Variants in WDR7 observed in about 807,000 individuals in gnomAD.
WDR7 encodes the protein WD repeat domain 7, also known as WD repeat-containing protein 7.
WDR7 carries 46 observed loss-of-function variants against 169.4 expected under a neutral mutation model. The ratio of observed to expected loss-of-function variants is 0.27; its 90% confidence interval spans 0.21 to 0.35. WDR7 has a LOEUF of 0.35. WDR7 is among the 10% of genes least tolerant of loss of function. The pLI is 1.00. For synonymous variants in WDR7, 612 were observed against 666.8 expected, an observed-to-expected ratio of 0.92 and a Z score of 1.27; for missense variants, 1,534 against 1,859.3, an observed-to-expected ratio of 0.83 and a Z score of 3.22.
chr18:56,964,719 T>G (rs1336050778), intron 26 of WDR7, among the ~76,000 whole-genome samples: 1 of 152,106 alleles, frequency 6.6e-6, no homozygotes, highest in African/African-American at 2.4e-5. Flanking sequence ...CCATAATTTT[T>G]TCCTACCTCA....
intron 1 of WDR7, among the ~76,000 whole-genome samples, chr18:56,661,603 C>T (rs1338932191): frequency 2.0e-5 from 3 of 152,116 alleles, no homozygotes; most frequent in Admixed American, 2.0e-4. Context: ...TTTAACCAAG[C>T]AGTCCTAAAG....
chr18:56,676,066 A>T (rs1033223099), intron 2 of WDR7, among the ~76,000 whole-genome samples: 5 of 152,036 alleles, frequency 3.3e-5, no homozygotes, highest in Admixed American at 3.3e-4. Flanking sequence ...GTGCTGGGTG[A>T]ATATATATTT....
At chr18:56,822,232 A>G (rs2045112131) in intron 20 of WDR7, among the ~76,000 whole-genome samples, 1 of 152,232 alleles carries the variant, frequency 6.6e-6, no homozygotes. Context: ...TATAAATAGA[A>G]GTATTTTTCA....
intron 26 of WDR7, among the ~76,000 whole-genome samples, chr18:56,976,016 G>A (rs1250698730): frequency 6.6e-6 from 1 of 152,190 alleles, no homozygotes; most frequent in Non-Finnish European, 1.5e-5. Flanking sequence ...GTTTGAAGCA[G>A]GAAAGCAACA....
In WDR7 at chr18:56,697,563, G is replaced by T. The variant is rs1052422381; in HGVS notation, c.1578+1101G>T. On this transcript the variant is annotated intron_variant, in intron 12 of 27. Transcript: ENST00000254442. Reference sequence around the variant, plus strand: ...CTTATTCACTGTGAAAAACTGCTATGTATTTAACCAATTTTATGTCATATT... The same window carrying T: ...CTTATTCACTGTGAAAAACTGCTATTTATTTAACCAATTTTATGTCATATT... Among the ~76,000 whole-genome samples the T allele has an allele frequency of 2.8e-3, 429 of 151,920 alleles. 4 individuals are homozygous for T. The East Asian group carries it at 0.039, about 14-fold the overall frequency.
chr18:56,793,209 G>A (rs934809755), intron 19 of WDR7, among the ~76,000 whole-genome samples: 3 of 152,098 alleles, frequency 2.0e-5, no homozygotes, highest in Non-Finnish European at 2.9e-5. Context: ...TCATTATTTT[G>A]AATTAAAATG....
intron 25 of WDR7, among the ~76,000 whole-genome samples, chr18:56,960,606 A>G (rs1016382117): frequency 1.3e-4 from 20 of 152,196 alleles, no homozygotes; most frequent in Non-Finnish European, 4.4e-5. Context: ...ATAGATATAG[A>G]TGTAGATGTA....
chr18:56,794,641 A>C (rs1465017172), intron 19 of WDR7, among the ~76,000 whole-genome samples: 1 of 152,118 alleles, frequency 6.6e-6, no homozygotes, highest in Non-Finnish European at 1.5e-5. Context: ...GCCAAAGCCT[A>C]CACTACACTT....
At chr18:56,785,580 CTGGGCTGA>C (rs1005619036) in intron 19 of WDR7, among the ~76,000 whole-genome samples, 3 of 152,118 alleles carry the variant, frequency 2.0e-5, no homozygotes, top group African/African-American at 7.2e-5. Context: ...GAATGGCATA[CTGGGCTGA>C]TGGACTGTGA....
At chr18:56,726,591 T>C (rs1412405093) in intron 13 of WDR7, among the ~76,000 whole-genome samples, 2 of 152,204 alleles carry the variant, frequency 1.3e-5, no homozygotes, top group Non-Finnish European at 2.9e-5. Context: ...AATCATGTCA[T>C]CTGCAAACAG....
intron 26 of WDR7, among the ~76,000 whole-genome samples, chr18:56,981,720 G>A (rs998980922): frequency 6.6e-6 from 1 of 152,156 alleles, no homozygotes; most frequent in Non-Finnish European, 1.5e-5. Flanking sequence ...GGCAACAGAA[G>A]GTCACTGGTG....
intron 20 of WDR7, among the ~76,000 whole-genome samples, chr18:56,858,661 C>G (rs1392337649): frequency 1.3e-5 from 2 of 152,074 alleles, no homozygotes; most frequent in African/African-American, 2.4e-5. Context: ...TTTTCAGTAT[C>G]TCTATCTTGG....
At chr18:56,870,033 G>C (rs7231636) in intron 20 of WDR7, among the ~76,000 whole-genome samples, 10,058 of 152,154 alleles carry the variant, frequency 0.066, 1,139 homozygotes, top group African/African-American at 0.23. Context: ...TTTCTCCCAA[G>C]CTGGATTATC....
intron 1 of WDR7, among the ~76,000 whole-genome samples, chr18:56,660,642 G>A (rs1350451471): frequency 7.5e-6 from 1 of 132,672 alleles, no homozygotes; most frequent in Non-Finnish European, 1.6e-5. Context: ...TTGTGGGAAT[G>A]CCAATATTTA....
chr18:57,004,962 G>A (rs2048034825), intron 26 of WDR7, among the ~76,000 whole-genome samples: 1 of 152,096 alleles, frequency 6.6e-6, no homozygotes, highest in African/African-American at 2.4e-5. Flanking sequence ...TTGAGTTGAA[G>A]GCCTGTATCA....
chr18:56,654,467 T>A (rs542393753), intron 1 of WDR7, among the ~76,000 whole-genome samples: 2 of 152,368 alleles, frequency 1.3e-5, no homozygotes, highest in East Asian at 3.9e-4. Context: ...TTATCTTTTT[T>A]AATTTTTTGT....
intron 12 of WDR7, among the ~76,000 whole-genome samples, chr18:56,706,827 A>G (rs941938320): frequency 2.0e-5 from 3 of 151,094 alleles, no homozygotes; most frequent in African/African-American, 2.4e-5. Context: ...AGCTGGGACT[A>G]CTGGTGAATT....
chr18:56,714,797 C>A (rs2026157424), intron 12 of WDR7, among the ~76,000 whole-genome samples: 1 of 152,080 alleles, frequency 6.6e-6, no homozygotes, highest in African/African-American at 2.4e-5. Context: ...TAAAAGTATT[C>A]TTTAAAACAT....
At chr18:56,913,475 T>TA (rs752238290) in intron 21 of WDR7, among the ~76,000 whole-genome samples, 19 of 151,150 alleles carry the variant, frequency 1.3e-4, no homozygotes, top group South Asian at 1.0e-3. Flanking sequence ...ACTCTATCTT[T>TA]AAAAAAAAAT....
Sources: gnomAD v4.1 joint callset for allele counts (sites outside exome capture counted in the v4.1 genomes callset) on GRCh38, gnomAD v4.1.1 for gene constraint, MANE v1.5 for transcripts, NCBI Gene and HGNC (gene_info 2026-07-23, HGNC 2026-07-21) for gene names.